The following TCF7L1 variants were observed in gnomAD, a reference collection of about 807,000 sequenced individuals.
TCF7L1 encodes transcription factor 7 like 1.
Under a neutral mutation model 63.7 loss-of-function variants are expected in TCF7L1, and 18 were observed. That is an observed-to-expected ratio of 0.28 (90% confidence interval 0.20 to 0.42). The LOEUF (loss-of-function observed/expected upper bound fraction) is 0.42. Ranked by LOEUF, TCF7L1 falls within the 10% of genes least tolerant of loss-of-function variation. TCF7L1 has a pLI of 1.00. For synonymous variants in TCF7L1, 355 were observed against 340.9 expected (o/e 1.04, Z -0.46); for missense variants, 654 against 779.3 (o/e 0.84, Z 1.91).
chr2:85,133,978 T>A lies in TCF7L1; in HGVS notation c.250-38T>A, dbSNP rs116356120. 1.6e-5 allele frequency: 25 copies of A among 1,592,758 alleles called. No individual in the cohort carries two copies. Among genetic ancestry groups the A allele is most frequent in the East Asian group, 1.1e-4 (5 of 43,490 alleles). ...ACCCCCGGGGGATCCCGGCCCTGCGTCCGCTCACCCGCTCTTGCCTTTGTG... is the reference window on the plus strand; with the variant it reads ...ACCCCCGGGGGATCCCGGCCCTGCGACCGCTCACCCGCTCTTGCCTTTGTG... On this transcript the variant is annotated intron_variant, in intron 1 of 11. Coordinates refer to ENST00000282111, the MANE Select transcript of TCF7L1 (RefSeq NM_031283.3). This position sits in a 1 kb window ranked among gnomAD's most constrained non-coding sequence, Gnocchi z 4.4.
chr2:85,208,834 A>AT (rs887179613), intron 3 of TCF7L1, among the ~76,000 whole-genome samples: 37 of 152,140 alleles, frequency 2.4e-4, no homozygotes, highest in Non-Finnish European at 1.3e-4. Flanking sequence ...GAAAATGTGA[A>AT]TTTTTTTACT....
intron 3 of TCF7L1, among the ~76,000 whole-genome samples, chr2:85,156,401 C>T (rs1678145978): frequency 6.6e-6 from 1 of 152,044 alleles, no homozygotes. Context: ...CTCCAGGGTG[C>T]TCAAGGCGAG....
intron 4 of TCF7L1, among the ~76,000 whole-genome samples, chr2:85,289,360 G>A (rs1185809647): frequency 6.6e-6 from 1 of 152,134 alleles, no homozygotes; most frequent in Non-Finnish European, 1.5e-5. Flanking sequence ...CAGAGACCAG[G>A]AGACAAATAA....
At chr2:85,267,573 C>T (rs1356694979) in intron 3 of TCF7L1, among the ~76,000 whole-genome samples, 2 of 149,694 alleles carry the variant, frequency 1.3e-5, no homozygotes, top group Non-Finnish European at 3.0e-5. Flanking sequence ...CACTTGAGCC[C>T]AGGAGGCGGA....
At chr2:85,242,301 G>T (rs189935183) in intron 3 of TCF7L1, among the ~76,000 whole-genome samples, 2 of 152,246 alleles carry the variant, frequency 1.3e-5, no homozygotes, top group East Asian at 3.9e-4. Context: ...ATAAAGCCCC[G>T]GCCCAAGTAA....
chr2:85,168,214 C>CACACACAT (rs1384136031), intron 3 of TCF7L1, among the ~76,000 whole-genome samples: 1 of 151,972 alleles, frequency 6.6e-6, no homozygotes, highest in Non-Finnish European at 1.5e-5. Flanking sequence ...CACACACACA[C>CACACACAT]ACACACACAA....
At chr2:85,199,088 C>T (rs1431115810) in intron 3 of TCF7L1, among the ~76,000 whole-genome samples, 2 of 152,324 alleles carry the variant, frequency 1.3e-5, no homozygotes, top group African/African-American at 4.8e-5. Context: ...GGCTTTCTGT[C>T]TCTGCCAGTG....
intron 4 of TCF7L1, among the ~76,000 whole-genome samples, chr2:85,299,860 A>ACACACACACACAC (rs1681927934): frequency 1.1e-5 from 1 of 92,706 alleles, no homozygotes; most frequent in Non-Finnish European, 2.0e-5. Flanking sequence ...CCTTGTCTCA[A>ACACACACACACAC]ACACACACAC....
intron 4 of TCF7L1, among the ~76,000 whole-genome samples, chr2:85,291,969 G>GTGC (rs1376108042): frequency 2.7e-5 from 4 of 147,278 alleles, no homozygotes; most frequent in Non-Finnish European, 6.0e-5. Flanking sequence ...GCCTCCCAAA[G>GTGC]TGCTGAGTTT....
chr2:85,202,934 C>T (rs778307121), intron 3 of TCF7L1, among the ~76,000 whole-genome samples: 2 of 152,050 alleles, frequency 1.3e-5, no homozygotes, highest in Admixed American at 6.5e-5. Context: ...CCTGGGTTCA[C>T]GCCATTCTCC....
chr2:85,254,470 T>C (rs185532850), intron 3 of TCF7L1, among the ~76,000 whole-genome samples: 1 of 152,346 alleles, frequency 6.6e-6, no homozygotes, highest in Non-Finnish European at 1.5e-5. Context: ...GGTTGTTTCA[T>C]AGCCATTTAG....
At position 85,230,737 on chromosome 2, in the gene TCF7L1, C is replaced by T. The variant is rs569595500; in HGVS notation, c.442-52758C>T. On this transcript the variant is annotated intron_variant, in intron 3 of 11. Coordinates refer to ENST00000282111, the MANE Select transcript of TCF7L1 (RefSeq NM_031283.3). Reference sequence around the variant, plus strand: ...ATAGAGTGCCCATTTCTCCTGCATCCCTACGTGACACTCTGCTTTCTGTGG... The same window carrying T: ...ATAGAGTGCCCATTTCTCCTGCATCTCTACGTGACACTCTGCTTTCTGTGG... Among the ~76,000 whole-genome samples, 3 of 152,276 alleles carry T rather than the reference C, an allele frequency of 2.0e-5. No individual in the cohort carries two copies. The South Asian group carries it at 6.2e-4, about 32-fold the overall frequency.
intron 4 of TCF7L1, among the ~76,000 whole-genome samples, chr2:85,294,238 A>G (rs1473805181): frequency 2.0e-5 from 3 of 151,318 alleles, no homozygotes; most frequent in Non-Finnish European, 4.4e-5. Flanking sequence ...GGGTTTCACC[A>G]TGTTAGCCAG....
Position 85,309,345 on chromosome 2 carries a change from C to T in TCF7L1, c.1650C>T (p.Ser550=). Residue 550 remains serine, a synonymous_variant, in exon 12 of 12, where the codon TCC becomes TCT. Coordinates refer to ENST00000282111, the MANE Select transcript of TCF7L1 (RefSeq NM_031283.3). ...PLLSRPLPLG[S]MPTALLASPP... ...TGTCCCGGCCCCTCCCCCTTGGGTCCATGCCCACAGCTCTGCTGGCCTCTC... is the reference window on the plus strand; with the variant it reads ...TGTCCCGGCCCCTCCCCCTTGGGTCTATGCCCACAGCTCTGCTGGCCTCTC... 1 of 1,612,434 alleles carries T rather than the reference C, an allele frequency of 6.2e-7. No homozygotes were observed. The highest frequency in any genetic ancestry group is 8.5e-7 in the Non-Finnish European group (1 of 1,179,590).
At chr2:85,304,398 C>A in intron 7 of TCF7L1, 60 bp downstream of exon 7, 1 of 1,553,954 alleles carries the variant, frequency 6.4e-7, no homozygotes, top group Non-Finnish European at 8.8e-7. Flanking sequence ...CATTTCTGAC[C>A]ACGAAACAGC....
chr2:85,201,178 G>A (rs575001034), intron 3 of TCF7L1, among the ~76,000 whole-genome samples: 3 of 152,290 alleles, frequency 2.0e-5, no homozygotes, highest in African/African-American at 7.2e-5. Flanking sequence ...ACTCTAGCCT[G>A]GGCTACAGAG....
intron 3 of TCF7L1, among the ~76,000 whole-genome samples, chr2:85,257,904 CA>C (rs1447284226): frequency 6.6e-6 from 1 of 152,178 alleles, no homozygotes; most frequent in African/African-American, 2.4e-5. Flanking sequence ...GATTCGGGAT[CA>C]GGAAATGATT....
intron 3 of TCF7L1, chr2:85,217,234 T>G (rs192463702): frequency 1.3e-5 from 2 of 152,324 alleles, no homozygotes; most frequent in East Asian, 3.9e-4. Context: ...CCTGTGAACT[T>G]CCTAACTTTG....
At chr2:85,228,890 G>A (rs1214270729) in intron 3 of TCF7L1, among the ~76,000 whole-genome samples, 1 of 151,352 alleles carries the variant, frequency 6.6e-6, no homozygotes, top group Non-Finnish European at 1.5e-5. Context: ...GGAGGGTGGT[G>A]GGCGCCTGCA....
Sources: allele counts gnomAD v4.1 joint callset (sites outside exome capture counted in the v4.1 genomes callset), GRCh38; gene constraint gnomAD v4.1.1; non-coding constraint Gnocchi (gnomAD v3.1); transcripts MANE v1.5; gene names NCBI Gene and HGNC (gene_info 2026-07-23, HGNC 2026-07-21).